The following MSH4 variants were observed in gnomAD, a reference collection of about 807,000 sequenced individuals.
MSH4 encodes the protein mutS homolog 4, also known as mutS protein homolog 4.
MSH4 carries 106 observed loss-of-function variants against 113.7 expected under a neutral mutation model. The ratio of observed to expected loss-of-function variants is 0.93; its 90% CI spans 0.80 to 1.10. The LOEUF is 1.10. Ranked by LOEUF, MSH4 falls within the 50% of genes least tolerant of loss-of-function variation. The pLI is 0.00. For synonymous variants in MSH4, 368 were observed against 380.2 expected, an observed-to-expected ratio of 0.97 and a Z score of 0.37; for missense variants, 1,061 against 1,093.7, an observed-to-expected ratio of 0.97 and a Z score of 0.42.
chr1:75,897,967 A>C lies in MSH4; in HGVS notation c.2416A>C (p.Asn806His). 6.2e-7 allele frequency: 1 copy of C among 1,605,448 alleles called. No individual in the cohort carries two copies. The highest frequency in any genetic ancestry group is 8.5e-7 in the Non-Finnish European group (1 of 1,175,608). Reference protein sequence around the residue: ...ELCHIDALYPNVENMHFEVQH... With the variant: ...ELCHIDALYPHVENMHFEVQH... Reference sequence around the variant, plus strand: ...ATGCCATATTGATGCCCTGTATCCTAATGTAGAAAACATGCATTTTGAAGT... The same window carrying C: ...ATGCCATATTGATGCCCTGTATCCTCATGTAGAAAACATGCATTTTGAAGT... Residue 806 changes from asparagine to histidine, a missense_variant, in exon 18 of 20, where the codon AAT becomes CAT. Coordinates refer to ENST00000263187, the MANE Select transcript of MSH4 (RefSeq NM_002440.4).
intron 19 of MSH4, among the ~76,000 whole-genome samples, chr1:75,910,613 AG>A (rs1334808692): frequency 6.6e-6 from 1 of 151,904 alleles, no homozygotes; most frequent in African/African-American, 2.4e-5. Flanking sequence ...TAAATATAAA[AG>A]TTTCTAAGAT....
At chr1:75,836,590 C>A (rs574625803) in intron 7 of MSH4, among the ~76,000 whole-genome samples, 2 of 152,280 alleles carry the variant, frequency 1.3e-5, no homozygotes, top group Admixed American at 1.3e-4. Flanking sequence ...CAACCTAACA[C>A]AGTCAACAAC....
intron 7 of MSH4, among the ~76,000 whole-genome samples, chr1:75,829,165 G>C (rs767067887): frequency 1.3e-5 from 2 of 152,186 alleles, no homozygotes; most frequent in Non-Finnish European, 2.9e-5. Flanking sequence ...AGGGTCCCAC[G>C]TCCATGGAGC....
intron 7 of MSH4, among the ~76,000 whole-genome samples, chr1:75,840,159 C>T (rs1249127999): frequency 6.6e-6 from 1 of 151,294 alleles, no homozygotes; most frequent in Non-Finnish European, 1.5e-5. Flanking sequence ...CCCAGCCATC[C>T]CATTACTGGG....
intron 2 of MSH4, 59 bp from the exon 3 acceptor site, chr1:75,806,922 T>TA (rs930527151): frequency 2.4e-5 from 35 of 1,431,840 alleles, no homozygotes; most frequent in South Asian, 2.9e-5. Context: ...TAGTTTTTTT[T>TA]AAAAAAAGAA....
chr1:75,848,342 A>G, intron 8 of MSH4, 66 bp downstream of exon 8: 1 of 1,117,670 alleles, frequency 8.9e-7, no homozygotes, highest in Non-Finnish European at 1.3e-6. Flanking sequence ...GTCTTAATGT[A>G]ATGTAACAAT....
At chr1:75,847,017 C>T (rs912513890) in intron 7 of MSH4, among the ~76,000 whole-genome samples, 1 of 152,164 alleles carries the variant, frequency 6.6e-6, no homozygotes, top group South Asian at 2.1e-4. Flanking sequence ...AAGTGGCTCA[C>T]ATCTGGTGAG....
chr1:75,838,843 A>G (rs999626759), intron 7 of MSH4, among the ~76,000 whole-genome samples: 44 of 152,260 alleles, frequency 2.9e-4, no homozygotes, highest in Admixed American at 2.3e-3. Flanking sequence ...TCCAGTTTAG[A>G]TGTGACTTTT....
chr1:75,854,358 G>A (rs1651270085), intron 8 of MSH4, among the ~76,000 whole-genome samples: 1 of 152,058 alleles, frequency 6.6e-6, no homozygotes, highest in Non-Finnish European at 1.5e-5. Flanking sequence ...CTGCTGAACT[G>A]TCTTCCTATG....
intron 8 of MSH4, 122 bp from the exon 9 acceptor site, chr1:75,867,392 C>T (rs369706174): frequency 2.1e-5 from 13 of 618,248 alleles, no homozygotes; most frequent in African/African-American, 4.5e-5. Context: ...GCTTGCATTG[C>T]GGCTAGGCTG....
intron 19 of MSH4, among the ~76,000 whole-genome samples, chr1:75,908,442 G>A (rs933636796): frequency 2.0e-5 from 3 of 152,074 alleles, no homozygotes; most frequent in Admixed American, 6.6e-5. Context: ...CAATGTGCCC[G>A]GCCAAACTTT....
intron 4 of MSH4, among the ~76,000 whole-genome samples, chr1:75,813,595 A>G (rs1650233314): frequency 6.6e-6 from 1 of 152,194 alleles, no homozygotes; most frequent in African/African-American, 2.4e-5. Flanking sequence ...ACATTTGGGC[A>G]AAGTTCTGAA....
intron 8 of MSH4, 58 bp downstream of exon 8, chr1:75,848,334 CTTAAT>C: frequency 8.5e-7 from 1 of 1,182,844 alleles, no homozygotes; most frequent in Non-Finnish European, 1.2e-6. Flanking sequence ...TGGAACTTGT[CTTAAT>C]GTAATGTAAC....
In MSH4 at chr1:75,886,491, T is replaced by G. The variant is rs1348841626; in HGVS notation, c.2107+2670T>G. On this transcript the variant is annotated intron_variant, in intron 15 of 19. Transcript: ENST00000263187. ...ATTATATATAATATATATGATGTAT[T>G]ATATATGATGTATTATATATAATAT... Among the ~76,000 whole-genome samples, 12 of 124,798 alleles carry G rather than the reference T, an allele frequency of 9.6e-5. No homozygotes were observed. In the East Asian group the frequency reaches 2.6e-3, roughly 27 times the overall value. The allele number at this position is 124,798 out of a possible 152,430, so 81.9% of individuals were successfully genotyped here. A position where few individuals can be genotyped will look rare whatever the true frequency, so the allele number is the denominator to read the frequency against.
chr1:75,838,226 G>A (rs1285875146), intron 7 of MSH4, among the ~76,000 whole-genome samples: 2 of 152,218 alleles, frequency 1.3e-5, no homozygotes, highest in South Asian at 2.1e-4. Context: ...TCTAGAGGCC[G>A]CCTACATTTC....
At chr1:75,804,063 AGTCTAG>A in intron 2 of MSH4, 150 bp downstream of exon 2, 1 of 485,096 alleles carries the variant, frequency 2.1e-6, no homozygotes, top group Non-Finnish European at 3.3e-6. Flanking sequence ...CCATAATTTG[AGTCTAG>A]ATTAATAAGG....
Position 75,912,670 on chromosome 1 carries a change from ATATATT to A in MSH4, c.2620-24_2620-19del, listed in dbSNP as rs2100601746. The A allele has an allele frequency of 1.2e-5, 15 of 1,243,858 alleles. No individual in the cohort carries two copies. Among genetic ancestry groups the A allele is most frequent in the Admixed American group, 4.7e-5 (1 of 21,210 alleles). The allele number at this position is 1,243,858 out of a possible 1,614,324, so 77.1% of individuals were successfully genotyped here. A position where few individuals can be genotyped will look rare whatever the true frequency, so the allele number is the denominator to read the frequency against. On this transcript the variant is annotated intron_variant, in intron 19 of 19. Coordinates refer to ENST00000263187, the MANE Select transcript of MSH4 (RefSeq NM_002440.4). The stretch of plus-strand genomic sequence containing the variant: ...AATTATGGTATTTGTGTATATATAT[ATATATT>A]TTTTTTTTTTCAATGACAGCAAAAC...
intron 8 of MSH4, among the ~76,000 whole-genome samples, chr1:75,851,067 G>T (rs2100548049): frequency 6.6e-6 from 1 of 152,038 alleles, no homozygotes; most frequent in Non-Finnish European, 1.5e-5. Context: ...ACTTATTTTT[G>T]TCTTTATATT....
chr1:75,806,914 GT>G (rs145832359), intron 2 of MSH4, 66 bp from the exon 3 acceptor site: 7 of 1,390,018 alleles, frequency 5.0e-6, no homozygotes, highest in Non-Finnish European at 6.7e-6. Context: ...GAATTTCCTA[GT>G]TTTTTTTAAA....
Sources: gnomAD v4.1 joint callset for allele counts (sites outside exome capture counted in the v4.1 genomes callset) on GRCh38, gnomAD v4.1.1 for gene constraint, MANE v1.5 for transcripts, NCBI Gene and HGNC (gene_info 2026-07-23, HGNC 2026-07-21) for gene names.